Variants in DOCK7 observed in about 807,000 individuals in gnomAD.
DOCK7 encodes the protein dedicator of cytokinesis 7, also known as dedicator of cytokinesis protein 7.
DOCK7 carries 138 observed loss-of-function variants against 271.0 expected under a neutral mutation model. The ratio of observed to expected loss-of-function variants is 0.51; its 90% CI spans 0.44 to 0.59. The LOEUF (loss-of-function observed/expected upper bound fraction) is 0.59. Ranked by LOEUF, DOCK7 falls within the 20% of genes least tolerant of loss-of-function variation. DOCK7 has a pLI of 0.00. For missense variants in DOCK7, 2,066 were observed against 2,592.4 expected (o/e 0.80, Z 4.41); for synonymous variants, 823 against 876.1 (o/e 0.94, Z 1.07).
rs758040559 is a variant in DOCK7, at chr1:62,496,346, G to C, written c.4916C>G (p.Pro1639Arg). The C allele has an allele frequency of 2.5e-6, 4 of 1,613,112 alleles. No homozygotes were observed. Among genetic ancestry groups the C allele is most frequent in the Non-Finnish European group, 3.4e-6 (4 of 1,179,538 alleles). The change falls in exon 38 of 50, where the codon CCT becomes CGT. Residue 1639 changes from proline (P) to arginine (R), a missense_variant. This residue lies in a region of DOCK7 where 652 missense variants were observed against 922.1 expected (regional missense o/e 0.71). Coordinates refer to ENST00000635253, the MANE Select transcript of DOCK7 (RefSeq NM_001367561.1). ...EDLELRETTF[P>R]DQVQDLVFNL... ...GAAAGCAGCATTTCTGACCTGATCA[G>C]GAAATGTTGTTTCCCTCAATTCCAG...
At chr1:62,563,846 G>C (rs1275254136) in intron 18 of DOCK7, among the ~76,000 whole-genome samples, 8 of 58,062 alleles carry the variant, frequency 1.4e-4, no homozygotes, top group Middle Eastern at 0.048. Context: ...TAAAGGGATG[G>C]AGGAATATTT....
chr1:62,559,695 A>G (rs1646260656), intron 19 of DOCK7, among the ~76,000 whole-genome samples: 1 of 152,162 alleles, frequency 6.6e-6, no homozygotes, highest in African/African-American at 2.4e-5. Context: ...GAGGTGCTGT[A>G]TCTTCTTCTT....
chr1:62,635,461 T>G (rs1380064415), intron 8 of DOCK7: 1 of 150,952 alleles, frequency 6.6e-6, no homozygotes, highest in Admixed American at 6.6e-5. Flanking sequence ...CGCTTGAACC[T>G]GGGAGGTAGA....
At position 62,602,337 on chromosome 1, in the gene DOCK7, T is replaced by C. The variant is rs188204596; in HGVS notation, c.1683-15713A>G. 8.7e-6 allele frequency: 14 copies of C among 1,610,968 alleles called. 1 individual carries two copies. The South Asian group carries it at 1.3e-4, about 15-fold the overall frequency. On this transcript the variant is annotated intron_variant, in intron 14 of 49. Transcript: ENST00000635253. The stretch of plus-strand genomic sequence containing the variant: ...GAATAGATGGATCACAAAACTTCAA[T>C]GAAACGTGGGAGAACTACAAATATG...
At chr1:62,601,679 C>A (rs757962265) in intron 14 of DOCK7, 3 of 939,552 alleles carry the variant, frequency 3.2e-6, no homozygotes, top group Non-Finnish European at 5.0e-6. Context: ...ACATTTGCCA[C>A]AACTTCATAA....
intron 25 of DOCK7, among the ~76,000 whole-genome samples, chr1:62,540,468 T>A (rs1432779175): frequency 6.6e-6 from 1 of 151,964 alleles, no homozygotes; most frequent in Non-Finnish European, 1.5e-5. Flanking sequence ...ATCTATCACA[T>A]CCAGCCAAAA....
At chr1:62,530,472 T>C (rs1645141183) in intron 29 of DOCK7, among the ~76,000 whole-genome samples, 1 of 152,224 alleles carries the variant, frequency 6.6e-6, no homozygotes, top group Non-Finnish European at 1.5e-5. Flanking sequence ...ATCATCACTT[T>C]AAAAAGTTGA....
At chr1:62,634,305 T>C (rs934369282) in intron 9 of DOCK7, 1 of 150,964 alleles carries the variant, frequency 6.6e-6, no homozygotes, top group African/African-American at 2.4e-5. Flanking sequence ...AAAGATTTGA[T>C]ATCATTAAGA....
chr1:62,555,922 T>C lies in DOCK7; in HGVS notation c.2499A>G (p.Glu833=). ...TTCTGCCATGCTGGTCATGATTTCC[T>C]TCCAAGTTTTTGTGAAGTCGATTTA... ...SIINRLHKNL[E]GNHDQHGRNS... Residue 833 remains glutamate, a synonymous_variant, in exon 21 of 50, where the codon GAA becomes GAG. Coordinates refer to ENST00000635253, the MANE Select transcript of DOCK7 (RefSeq NM_001367561.1). 6.2e-7 allele frequency: 1 copy of C among 1,613,934 alleles called. No homozygotes were observed. The highest frequency in any genetic ancestry group is 8.5e-7 in the Non-Finnish European group (1 of 1,179,914).
At chr1:62,604,193 C>T in intron 14 of DOCK7, 1 of 1,613,332 alleles carries the variant, frequency 6.2e-7, no homozygotes, top group Non-Finnish European at 8.5e-7. Flanking sequence ...TACTTGGGAT[C>T]ACAAAGCAAA....
intron 48 of DOCK7, among the ~76,000 whole-genome samples, chr1:62,461,596 G>C (rs1299678441): frequency 6.6e-6 from 1 of 151,494 alleles, no homozygotes; most frequent in East Asian, 1.9e-4. Context: ...GAATCCAGCA[G>C]GTCAAGGCTG....
intron 48 of DOCK7, among the ~76,000 whole-genome samples, chr1:62,460,740 T>C (rs2149228669): frequency 6.6e-6 from 1 of 152,308 alleles, no homozygotes; most frequent in South Asian, 2.1e-4. Flanking sequence ...CACTGCAGCT[T>C]TGATCTCCTG....
chr1:62,532,492 C>T (rs982193327), intron 29 of DOCK7, among the ~76,000 whole-genome samples: 8 of 152,138 alleles, frequency 5.3e-5, no homozygotes, highest in East Asian at 3.9e-4. Context: ...CCACCATGTA[C>T]GGCTAATTAA....
chr1:62,604,825 C>G, intron 14 of DOCK7: 2 of 1,611,506 alleles, frequency 1.2e-6, no homozygotes, highest in African/African-American at 2.7e-5. Flanking sequence ...TGAACTGAGG[C>G]AAATTTAAAA....
chr1:62,537,454 C>T lies in DOCK7; in HGVS notation c.3471+437G>A, dbSNP rs536884578. Among the ~76,000 whole-genome samples, 13 of 152,054 alleles carry T rather than the reference C, an allele frequency of 8.5e-5. No individual in the cohort carries two copies. The East Asian group carries it at 1.6e-3, about 18-fold the overall frequency. On this transcript the variant is annotated intron_variant, in intron 28 of 49. Coordinates refer to ENST00000635253, the MANE Select transcript of DOCK7 (RefSeq NM_001367561.1). ...TACAAAAATTAGCTGGGCATAGTGG[C>T]GCACGTCTGTAGTCCCAGCTACTCA...
chr1:62,564,721 T>TA (rs1187221270), intron 18 of DOCK7, among the ~76,000 whole-genome samples: 12 of 151,700 alleles, frequency 7.9e-5, no homozygotes, highest in Non-Finnish European at 2.9e-5. Flanking sequence ...CTGAAGGAGA[T>TA]AGAGTCATGA....
rs1485730211 is a variant in DOCK7 at position 62,631,311 on chromosome 1, T to A, written c.1211A>T (p.His404Leu). The A allele has an allele frequency of 3.7e-5, 59 of 1,613,672 alleles. No homozygotes were observed. Among genetic ancestry groups the A allele is most frequent in the Non-Finnish European group, 4.9e-5 (58 of 1,179,862 alleles). The change falls in exon 11 of 50, where the codon CAT becomes CTT. Residue 404 changes from histidine to leucine, a missense_variant. By Grantham distance (99) the His-to-Leu change is moderately conservative. Around this residue, in one of 2 missense-constraint regions of DOCK7, gnomAD observed 1,414 missense variants for 1,670.4 expected, o/e 0.85. Coordinates refer to ENST00000635253, the MANE Select transcript of DOCK7 (RefSeq NM_001367561.1). ...AGCACTGCTAACAATATTCATTAAA[T>A]GGATTGCAGTCCAAGCAAAAGGCAT... Reference protein sequence around the residue: ...YRMPFAWTAIHLMNIVSSAGS... With the variant: ...YRMPFAWTAILLMNIVSSAGS...
In DOCK7 at chr1:62,647,768, T is replaced by C. The variant is rs766626818; in HGVS notation, c.741A>G (p.Pro247=). The change falls in exon 7 of 50, where the codon CCA becomes CCG. Residue 247 remains proline (P), a synonymous_variant. Coordinates refer to ENST00000635253, the MANE Select transcript of DOCK7 (RefSeq NM_001367561.1). ...TATCAGGAACACTAAGCCGTTCTAT[T>C]GGTTCTTCCTACAAATTGAAAAGCA... The part of the protein sequence containing the change: ...ALHPSPDEEE[P]IERLSVPDIP... 4.4e-6 allele frequency: 7 copies of C among 1,601,786 alleles called. No individual in the cohort carries two copies. Among genetic ancestry groups the C allele is most frequent in the East Asian group, 2.2e-5 (1 of 44,674 alleles).
At chr1:62,663,194 A>C in intron 1 of DOCK7, 64 bp from the exon 2 acceptor site, 7 of 1,256,696 alleles carry the variant, frequency 5.6e-6, no homozygotes, top group Non-Finnish European at 7.9e-6. Context: ...CTAGTTTAAA[A>C]TGGAGGGAAG....
Sources: gnomAD v4.1 joint callset for allele counts (sites outside exome capture counted in the v4.1 genomes callset) on GRCh38, gnomAD v4.1.1 for gene constraint, gnomAD v4.1.1 regional missense constraint, MANE v1.5 for transcripts, NCBI Gene and HGNC (gene_info 2026-07-23, HGNC 2026-07-21) for gene names.